ZNF385C: variants seen among roughly 807,000 people sequenced by gnomAD.
ZNF385C encodes the protein zinc finger protein 385C, also known as CTD-2132N18.2.
ZNF385C carries 28 observed loss-of-function variants against 35.4 expected under a neutral mutation model. The ratio of observed to expected loss-of-function variants is 0.79; its 90% CI spans 0.59 to 1.08. ZNF385C has a LOEUF of 1.08. Ranked by LOEUF, ZNF385C falls within the 50% of genes least tolerant of loss-of-function variation. The pLI, the probability that ZNF385C is intolerant of heterozygous loss-of-function variation, is 0.00. For synonymous variants in ZNF385C, 248 were observed against 248.2 expected, an observed-to-expected ratio of 1.00 and a Z score of 0.01; for missense variants, 605 against 595.6, an observed-to-expected ratio of 1.02 and a Z score of -0.16.
intron 1 of ZNF385C, among the ~76,000 whole-genome samples, chr17:42,080,885 A>G (rs2053740859): frequency 6.6e-6 from 1 of 152,230 alleles, no homozygotes; most frequent in Non-Finnish European, 1.5e-5. Context: ...GGTGAAGGAC[A>G]GAGCATGAGC....
chr17:42,033,974 C>A (rs536151748), intron 4 of ZNF385C, among the ~76,000 whole-genome samples: 1 of 150,542 alleles, frequency 6.6e-6, no homozygotes, highest in African/African-American at 2.5e-5. Flanking sequence ...AGGAGAGAGG[C>A]CTGGGGGGAA....
At chr17:42,027,573 T>TCCCCCCCCCCC in intron 8 of ZNF385C, 45 bp downstream of exon 8, 1 of 298,864 alleles carries the variant, frequency 3.3e-6, no homozygotes, top group Admixed American at 4.5e-5. Flanking sequence ...GCCCACCCTC[T>TCCCCCCCCCCC]CCCCTCCTGA....
intron 2 of ZNF385C, among the ~76,000 whole-genome samples, chr17:42,041,685 C>G (rs1200157169): frequency 6.6e-6 from 1 of 152,144 alleles, no homozygotes; most frequent in African/African-American, 2.4e-5. Flanking sequence ...TAGGCACACT[C>G]ACTCCCAACT....
intron 1 of ZNF385C, among the ~76,000 whole-genome samples, chr17:42,076,051 G>A (rs542224271): frequency 2.0e-5 from 3 of 152,280 alleles, no homozygotes; most frequent in African/African-American, 7.2e-5. Flanking sequence ...GGCCCAGACC[G>A]TATGTTTGGG....
At chr17:42,091,764 G>T (rs2053865117) in intron 1 of ZNF385C, among the ~76,000 whole-genome samples, 1 of 152,190 alleles carries the variant, frequency 6.6e-6, no homozygotes, top group South Asian at 2.1e-4. Context: ...AAAGCTTCTT[G>T]TGTCCCTCTC....
intron 2 of ZNF385C, among the ~76,000 whole-genome samples, chr17:42,056,768 C>A (rs758659009): frequency 4.5e-4 from 69 of 152,078 alleles, no homozygotes; most frequent in Non-Finnish European, 9.3e-4. Context: ...TGAGGGGAAA[C>A]CCCTTTCACT....
intron 7 of ZNF385C, 146 bp from the exon 8 acceptor site, chr17:42,027,874 G>A: frequency 8.3e-7 from 1 of 1,200,658 alleles, no homozygotes; most frequent in Non-Finnish European, 1.2e-6. Context: ...TAGGCCCTGG[G>A]AAGGGGAGGT....
intron 2 of ZNF385C, among the ~76,000 whole-genome samples, chr17:42,052,110 G>A (rs1036306574): frequency 6.6e-6 from 1 of 152,196 alleles, no homozygotes; most frequent in African/African-American, 2.4e-5. Context: ...GTGTCTTGGA[G>A]CAGCCATGGC....
At chr17:42,059,979 G>A (rs1195510017) in intron 2 of ZNF385C, among the ~76,000 whole-genome samples, 5 of 152,104 alleles carry the variant, frequency 3.3e-5, no homozygotes, top group Non-Finnish European at 7.4e-5. Context: ...TTGGTGTGGT[G>A]GGATTGGGAA....
Position 42,027,109 on chromosome 17 carries a change from GT to G in ZNF385C, c.1299del (p.Gln433HisfsTer92), listed in dbSNP as rs781893196. On this transcript the variant is annotated frameshift_variant, in exon 9 of 9. Coordinates refer to ENST00000692273, the MANE Select transcript of ZNF385C (RefSeq NM_001392013.1). LOFTEE classifies it high-confidence loss of function. Reference protein sequence around the residue: ...ILKSKLALQKQLTKTLAARFL... With the variant: ...ILKSKLALQKXLTKTLAARFL... The stretch of plus-strand genomic sequence containing the variant: ...AAGCGGGCTGCCAACGTCTTGGTGA[GT>G]TGCTTCTGCAAGGCCAGTTTAGACT... 8.1e-6 allele frequency: 13 copies of G among 1,613,504 alleles called. No homozygotes were observed. The South Asian group carries it at 1.3e-4, about 16-fold the overall frequency.
intron 1 of ZNF385C, among the ~76,000 whole-genome samples, chr17:42,092,917 G>A (rs890000361): frequency 6.6e-6 from 1 of 152,112 alleles, no homozygotes; most frequent in African/African-American, 2.4e-5. Context: ...TCTGGGAGCG[G>A]GGGGCGGGGG....
In ZNF385C at chr17:42,027,739, G is replaced by T; in HGVS notation, c.1165-11C>A. On this transcript the variant is annotated splice_polypyrimidine_tract_variant and intron_variant, in intron 7 of 8. Coordinates refer to ENST00000692273, the MANE Select transcript of ZNF385C (RefSeq NM_001392013.1). ...CCTGCTGCTCATGTGCTAATGGACA[G>T]ACAGACAGACTGGGAACAAGATGAC... 10 of 1,609,300 alleles carry T rather than the reference G, an allele frequency of 6.2e-6. No homozygotes were observed. Among genetic ancestry groups the T allele is most frequent in the Non-Finnish European group, 8.5e-6 (10 of 1,178,328 alleles).
intron 1 of ZNF385C, among the ~76,000 whole-genome samples, chr17:42,090,374 C>T (rs1055163840): frequency 1.3e-5 from 2 of 150,440 alleles, no homozygotes; most frequent in South Asian, 4.2e-4. Flanking sequence ...GCAACCTCCA[C>T]CTCCCAGGTT....
chr17:42,066,884 T>C (rs1016484029), intron 1 of ZNF385C, among the ~76,000 whole-genome samples: 1 of 151,896 alleles, frequency 6.6e-6, no homozygotes, highest in Non-Finnish European at 1.5e-5. Flanking sequence ...CTGGCCAACA[T>C]GGTGAAACTC....
intron 1 of ZNF385C, chr17:42,065,452 C>T (rs2053533350): frequency 6.6e-6 from 1 of 152,212 alleles, no homozygotes; most frequent in African/African-American, 2.4e-5. Flanking sequence ...GTCACAATGT[C>T]TTCACAAGAC....
chr17:42,026,915 G>T lies in ZNF385C; in HGVS notation c.1494C>A (p.Ile498=). Residue 498 remains isoleucine (I), a synonymous_variant, in exon 9 of 9, where the codon ATC becomes ATA. Transcript: ENST00000692273. The part of the protein sequence containing the change: ...AGAVRPATGP[I]VLAPY ...ATGAGGGCTAATAAGGGGCAAGGAC[G>T]ATAGGTCCTGTGGCAGGGCGGACAG... 6.3e-7 allele frequency: 1 copy of T among 1,599,376 alleles called. No individual in the cohort carries two copies. Among genetic ancestry groups the T allele is most frequent in the Non-Finnish European group, 8.5e-7 (1 of 1,172,792 alleles).
chr17:42,082,471 C>A (rs202245036), intron 1 of ZNF385C, among the ~76,000 whole-genome samples: 1 of 152,240 alleles, frequency 6.6e-6, no homozygotes, highest in Non-Finnish European at 1.5e-5. Context: ...CTACTCCACC[C>A]CCTCACCTGA....
chr17:42,029,972 G>A (rs907188506), intron 5 of ZNF385C, among the ~76,000 whole-genome samples: 15 of 151,724 alleles, frequency 9.9e-5, no homozygotes, highest in Admixed American at 8.5e-4. Context: ...GGAGGTGGAT[G>A]AGCCTAGGTC....
intron 2 of ZNF385C, among the ~76,000 whole-genome samples, chr17:42,044,500 C>T (rs2053106704): frequency 6.6e-6 from 1 of 151,736 alleles, no homozygotes; most frequent in African/African-American, 2.4e-5. Context: ...CCTGTAATCC[C>T]AGCTACTCGG....
Sources: gnomAD v4.1 joint callset for allele counts (sites outside exome capture counted in the v4.1 genomes callset) on GRCh38, gnomAD v4.1.1 for gene constraint, MANE v1.5 for transcripts, NCBI Gene and HGNC (gene_info 2026-07-23, HGNC 2026-07-21) for gene names.